The following MTSS1 variants were observed in gnomAD, a reference collection of about 807,000 sequenced individuals.
MTSS1 encodes MTSS I-BAR domain containing 1.
In MTSS1, 18 loss-of-function variants were observed where a neutral mutation model predicts 79.0. The observed-to-expected ratio is 0.23, with a 90% CI of 0.16 to 0.34. The LOEUF is 0.34. Ranked by LOEUF, MTSS1 falls within the 10% of genes least tolerant of loss-of-function variation. The pLI is 1.00. For synonymous variants in MTSS1, 341 were observed against 368.6 expected, an observed-to-expected ratio of 0.93 and a Z score of 0.86; for missense variants, 815 against 986.2, an observed-to-expected ratio of 0.83 and a Z score of 2.33.
intron 3 of MTSS1, among the ~76,000 whole-genome samples, chr8:124,672,934 G>T (rs751819656): frequency 2.0e-5 from 3 of 151,808 alleles, no homozygotes; most frequent in Non-Finnish European, 2.9e-5. Flanking sequence ...AAGAAAAAGG[G>T]CATGATGAAG....
At chr8:124,717,984 A>T (rs2135739038) in intron 1 of MTSS1, among the ~76,000 whole-genome samples, 1 of 152,338 alleles carries the variant, frequency 6.6e-6, no homozygotes, top group East Asian at 1.9e-4. Context: ...AGCCATTAAC[A>T]ATGGCACTGC....
chr8:124,669,656 T>C (rs1367282955), intron 3 of MTSS1, among the ~76,000 whole-genome samples: 1 of 152,226 alleles, frequency 6.6e-6, no homozygotes, highest in African/African-American at 2.4e-5. Context: ...TCTACTAACA[T>C]TCAGTGTCTT....
intron 10 of MTSS1, among the ~76,000 whole-genome samples, chr8:124,560,215 T>C (rs1323231930): frequency 6.6e-6 from 1 of 152,182 alleles, no homozygotes; most frequent in Non-Finnish European, 1.5e-5. Flanking sequence ...ATTTGAGGTT[T>C]AGAGGGCTTT....
intron 1 of MTSS1, among the ~76,000 whole-genome samples, chr8:124,706,564 G>A (rs371725907): frequency 1.3e-5 from 2 of 152,176 alleles, no homozygotes; most frequent in Non-Finnish European, 2.9e-5. Context: ...TCCTCTAAGT[G>A]GCAATTTGCC....
intron 3 of MTSS1, among the ~76,000 whole-genome samples, chr8:124,665,851 G>T (rs185367108): frequency 7.0e-6 from 1 of 142,322 alleles, no homozygotes; most frequent in East Asian, 2.1e-4. Flanking sequence ...TGGGCAATAC[G>T]AGTGAAACTC....
chr8:124,706,487 A>G (rs57971049), intron 1 of MTSS1, among the ~76,000 whole-genome samples: 1,942 of 152,340 alleles, frequency 0.013, 35 homozygotes, highest in African/African-American at 0.045. Context: ...CTGCTACACC[A>G]CATTCATCAG....
At chr8:124,596,885 G>A (rs1832858010) in intron 3 of MTSS1, among the ~76,000 whole-genome samples, 1 of 152,108 alleles carries the variant, frequency 6.6e-6, no homozygotes, top group Non-Finnish European at 1.5e-5. Flanking sequence ...TCCTGTGTGT[G>A]TGTGTCTAAA....
At chr8:124,565,076 A>C (rs1826107319) in intron 9 of MTSS1, among the ~76,000 whole-genome samples, 1 of 152,248 alleles carries the variant, frequency 6.6e-6, no homozygotes, top group Non-Finnish European at 1.5e-5. Context: ...CTAACAGAAA[A>C]TTGCTAGACA....
chr8:124,668,455 C>T (rs1019873277), intron 3 of MTSS1, among the ~76,000 whole-genome samples: 2 of 152,184 alleles, frequency 1.3e-5, no homozygotes, highest in Non-Finnish European at 2.9e-5. Flanking sequence ...ACCCGCCTTT[C>T]TCGTTCATGC....
At chr8:124,671,242 A>T (rs1442696752) in intron 3 of MTSS1, among the ~76,000 whole-genome samples, 1 of 151,758 alleles carries the variant, frequency 6.6e-6, no homozygotes, top group African/African-American at 2.4e-5. Context: ...CCAGAATCAA[A>T]TCCTCACCTG....
At chr8:124,724,666 A>G (rs1401898422) in intron 1 of MTSS1, among the ~76,000 whole-genome samples, 7 of 152,310 alleles carry the variant, frequency 4.6e-5, no homozygotes. Context: ...TGGCCAGCAA[A>G]GTCTCCTGGT....
At chr8:124,590,453 T>A (rs919611265) in intron 4 of MTSS1, among the ~76,000 whole-genome samples, 1 of 152,160 alleles carries the variant, frequency 6.6e-6, no homozygotes, top group Admixed American at 6.5e-5. Flanking sequence ...ACACTAAGTA[T>A]GCACAGCCTG....
intron 3 of MTSS1, chr8:124,699,289 G>A (rs866183424): frequency 2.1e-5 from 11 of 513,822 alleles, no homozygotes; most frequent in African/African-American, 7.8e-5. Flanking sequence ...AAGCCAACTC[G>A]TGCAGAAACA....
At chr8:124,565,514 A>G in intron 9 of MTSS1, 148 bp downstream of exon 9, 2 of 701,270 alleles carry the variant, frequency 2.9e-6, no homozygotes, top group Non-Finnish European at 4.6e-6. Context: ...GAGCAAGACC[A>G]AAATTATTAC....
intron 1 of MTSS1, among the ~76,000 whole-genome samples, chr8:124,708,305 T>C (rs984157055): frequency 6.6e-6 from 1 of 152,142 alleles, no homozygotes; most frequent in African/African-American, 2.4e-5. Flanking sequence ...ACACTGGAAG[T>C]GCTCAACAAA....
At chr8:124,722,576 TC>T (rs1833112279) in intron 1 of MTSS1, among the ~76,000 whole-genome samples, 2 of 152,248 alleles carry the variant, frequency 1.3e-5, no homozygotes, top group South Asian at 4.1e-4. Flanking sequence ...TCCTTAATGC[TC>T]AGCCAATTAA....
At chr8:124,617,303 T>C (rs1837050006) in intron 3 of MTSS1, among the ~76,000 whole-genome samples, 1 of 152,146 alleles carries the variant, frequency 6.6e-6, no homozygotes, top group Non-Finnish European at 1.5e-5. Flanking sequence ...TTCTAGGAGA[T>C]CAAGGACCCA....
intron 3 of MTSS1, among the ~76,000 whole-genome samples, chr8:124,635,869 G>C (rs905152633): frequency 6.6e-6 from 1 of 151,860 alleles, no homozygotes; most frequent in African/African-American, 2.4e-5. Flanking sequence ...AAAACAACAA[G>C]AAAGCCTACC....
At chr8:124,698,296 C>G (rs1388972949) in intron 3 of MTSS1, among the ~76,000 whole-genome samples, 1 of 152,036 alleles carries the variant, frequency 6.6e-6, no homozygotes, top group Non-Finnish European at 1.5e-5. Context: ...GAGCAGTCCC[C>G]AACACTTGCC....
Sources: gnomAD v4.1 joint callset for allele counts (sites outside exome capture counted in the v4.1 genomes callset) on GRCh38, gnomAD v4.1.1 for gene constraint, MANE v1.5 for transcripts, NCBI Gene and HGNC (gene_info 2026-07-23, HGNC 2026-07-21) for gene names.